NCALD: variants seen among roughly 807,000 people sequenced by gnomAD.
NCALD encodes neurocalcin delta.
In NCALD, 10 loss-of-function variants were observed where a neutral mutation model predicts 18.6. The observed-to-expected ratio is 0.54, with a 90% CI of 0.33 to 0.91. The LOEUF (loss-of-function observed/expected upper bound fraction) is 0.91. Ranked by LOEUF, NCALD falls within the 40% of genes least tolerant of loss-of-function variation. The pLI is 0.03. For synonymous variants in NCALD, 88 were observed against 87.4 expected (o/e 1.01, Z -0.04); for missense variants, 184 against 247.6 (o/e 0.74, Z 1.72).
chr8:102,009,171 A>G (rs1312065434), intron 2 of NCALD, among the ~76,000 whole-genome samples: 2 of 152,272 alleles, frequency 1.3e-5, no homozygotes, highest in African/African-American at 4.8e-5. Context: ...CTCAAGCAAT[A>G]GAAATTAATG....
At chr8:102,027,909 C>A (rs1420585605) in intron 1 of NCALD, among the ~76,000 whole-genome samples, 2 of 152,124 alleles carry the variant, frequency 1.3e-5, no homozygotes, top group Admixed American at 6.6e-5. Context: ...CTTGTGAGAA[C>A]TCACTCACTA....
intron 4 of NCALD, among the ~76,000 whole-genome samples, chr8:101,857,163 A>C (rs1238412296): frequency 6.6e-6 from 1 of 152,220 alleles, no homozygotes; most frequent in Non-Finnish European, 1.5e-5. Flanking sequence ...AACAAATAAT[A>C]GGATGTTAAG....
At chr8:102,065,113 A>G (rs540711085) in intron 1 of NCALD, among the ~76,000 whole-genome samples, 27 of 152,174 alleles carry the variant, frequency 1.8e-4, no homozygotes, top group South Asian at 1.0e-3. Flanking sequence ...TGAGGGCTGA[A>G]GCAGGAGTGG....
At chr8:101,805,886 T>C (rs567053468) in intron 4 of NCALD, among the ~76,000 whole-genome samples, 8 of 152,302 alleles carry the variant, frequency 5.3e-5, no homozygotes, top group East Asian at 1.9e-4. Context: ...AGAACTTCAC[T>C]GGATGAATTT....
intron 2 of NCALD, among the ~76,000 whole-genome samples, chr8:101,932,873 T>C (rs1045801478): frequency 1.3e-5 from 2 of 152,246 alleles, no homozygotes; most frequent in Admixed American, 6.5e-5. Flanking sequence ...ATATAAATTA[T>C]AGGCAGTTCA....
intron 4 of NCALD, among the ~76,000 whole-genome samples, chr8:101,851,719 T>C (rs1274643899): frequency 2.0e-5 from 3 of 152,158 alleles, no homozygotes; most frequent in African/African-American, 2.4e-5. Flanking sequence ...TGGGTTAGCA[T>C]TGATCACACC....
At chr8:101,890,369 G>GCT (rs1217938501) in intron 3 of NCALD, among the ~76,000 whole-genome samples, 1 of 152,158 alleles carries the variant, frequency 6.6e-6, no homozygotes, top group Non-Finnish European at 1.5e-5. Flanking sequence ...GAAGTAGAAT[G>GCT]CTCTCATACC....
At chr8:101,808,596 A>G (rs1167758037) in intron 4 of NCALD, among the ~76,000 whole-genome samples, 2 of 152,182 alleles carry the variant, frequency 1.3e-5, no homozygotes, top group African/African-American at 4.8e-5. Context: ...GGCCAATGGG[A>G]TGTAAATAGA....
chr8:102,027,306 C>G (rs193276587), intron 1 of NCALD, among the ~76,000 whole-genome samples: 1 of 152,298 alleles, frequency 6.6e-6, no homozygotes, highest in Admixed American at 6.5e-5. Context: ...TCCTCTGGAA[C>G]ACTTTGCCAC....
At chr8:102,006,517 G>A (rs1239775651) in intron 2 of NCALD, among the ~76,000 whole-genome samples, 1 of 152,026 alleles carries the variant, frequency 6.6e-6, no homozygotes, top group Non-Finnish European at 1.5e-5. Context: ...TCCCCTCTCT[G>A]TGCCCGGGAA....
At chr8:101,866,182 C>T (rs1815763788) in intron 4 of NCALD, among the ~76,000 whole-genome samples, 1 of 152,202 alleles carries the variant, frequency 6.6e-6, no homozygotes, top group Admixed American at 6.5e-5. Context: ...CCTCACCTCC[C>T]AGCATCATTT....
At chr8:101,894,106 T>C (rs1440423574) in intron 3 of NCALD, among the ~76,000 whole-genome samples, 11 of 145,276 alleles carry the variant, frequency 7.6e-5, no homozygotes, top group Non-Finnish European at 1.3e-4. Context: ...GACCACATAC[T>C]TGGAAGTAAA....
intron 1 of NCALD, among the ~76,000 whole-genome samples, chr8:101,726,130 G>A (rs1358786488): frequency 6.6e-6 from 1 of 152,198 alleles, no homozygotes; most frequent in Non-Finnish European, 1.5e-5. Context: ...GAGGGCATGA[G>A]GTGGGGGAGG....
intron 1 of NCALD, among the ~76,000 whole-genome samples, chr8:102,033,938 A>T (rs1191603183): frequency 6.6e-6 from 1 of 152,140 alleles, no homozygotes; most frequent in Non-Finnish European, 1.5e-5. Flanking sequence ...GAAAGAAGAC[A>T]TATAGATATA....
chr8:102,104,488 T>C (rs1414933520), intron 1 of NCALD, among the ~76,000 whole-genome samples: 2 of 152,062 alleles, frequency 1.3e-5, no homozygotes, highest in Non-Finnish European at 2.9e-5. Flanking sequence ...ATCATCATCT[T>C]TCAGAATTAT....
chr8:101,987,441 G>T (rs959591723), intron 2 of NCALD, among the ~76,000 whole-genome samples: 1 of 152,154 alleles, frequency 6.6e-6, no homozygotes, highest in Non-Finnish European at 1.5e-5. Context: ...GAAGGAGAAG[G>T]GATATCTGAT....
intron 3 of NCALD, among the ~76,000 whole-genome samples, chr8:101,904,189 G>A (rs1462952533): frequency 2.0e-5 from 3 of 152,124 alleles, no homozygotes; most frequent in African/African-American, 7.2e-5. Context: ...CAAGAGGAGG[G>A]AAATAAATTG....
intron 1 of NCALD, among the ~76,000 whole-genome samples, chr8:102,098,902 T>C (rs1161456120): frequency 6.6e-6 from 1 of 152,224 alleles, no homozygotes; most frequent in Non-Finnish European, 1.5e-5. Context: ...ACTGACTTCA[T>C]CTCTCACTGG....
chr8:101,734,247 G>A (rs750306713), intron 1 of NCALD, among the ~76,000 whole-genome samples: 2 of 152,016 alleles, frequency 1.3e-5, no homozygotes, highest in African/African-American at 2.4e-5. Flanking sequence ...TTTTCTAAAC[G>A]TTCTCATTGC....
Sources: allele counts gnomAD v4.1 joint callset (sites outside exome capture counted in the v4.1 genomes callset), GRCh38; gene constraint gnomAD v4.1.1; transcripts MANE v1.5; gene names NCBI Gene and HGNC (gene_info 2026-07-23, HGNC 2026-07-21).